PRUNE1: variants seen among roughly 807,000 people sequenced by gnomAD.
PRUNE1 encodes prune exopolyphosphatase 1, also known as exopolyphosphatase PRUNE1.
A neutral mutation model predicts 42.5 loss-of-function variants in PRUNE1; 25 were observed. The ratio of observed to expected loss-of-function variants is 0.59; its 90% CI spans 0.43 to 0.82. The LOEUF is 0.82. Among genes scored for constraint, PRUNE1 ranks in the 40% least tolerant of loss-of-function variants. PRUNE1 has a pLI of 0.00. For missense variants in PRUNE1, 443 were observed against 539.3 expected (o/e 0.82, Z 1.77); for synonymous variants, 203 against 217.1 (o/e 0.93, Z 0.57).
intron 1 of PRUNE1, among the ~76,000 whole-genome samples, chr1:151,012,057 G>A (rs1331742151): frequency 5.9e-5 from 9 of 152,002 alleles, no homozygotes; most frequent in South Asian, 2.1e-4. Flanking sequence ...GATTACAGGC[G>A]TGAGCCACCG....
At position 151,034,330 on chromosome 1, in the gene PRUNE1, G is replaced by A. The variant is rs376097233; in HGVS notation, c.*96G>A. ...GAGATTCAGCAATTCTGTCTTCATT[G>A]CTCCAGGATCTGGTATACTGTTCTC... On this transcript the variant is annotated 3_prime_UTR_variant, in exon 8 of 8. Transcript: ENST00000271620. The A allele has an allele frequency of 1.2e-4, 162 of 1,307,314 alleles. 1 individual carries two copies. The African/African-American group carries it at 1.9e-3, about 15-fold the overall frequency. The allele number at this position is 1,307,314 out of a possible 1,614,324, so 81.0% of individuals were successfully genotyped here.
chr1:151,029,056 A>G, intron 7 of PRUNE1, 112 bp downstream of exon 7: 1 of 1,137,636 alleles, frequency 8.8e-7, no homozygotes, highest in Non-Finnish European at 1.2e-6. Flanking sequence ...ATATTAATGT[A>G]CTTACATGAG....
At chr1:151,025,247 G>A (rs3820539) in intron 4 of PRUNE1, among the ~76,000 whole-genome samples, 26,546 of 152,058 alleles carry the variant, frequency 0.17, 2,919 homozygotes, top group East Asian at 0.44. Flanking sequence ...CTGAAGAGGT[G>A]TATCTCTGTC....
intron 1 of PRUNE1, among the ~76,000 whole-genome samples, chr1:151,012,306 TAAATA>T (rs1171311137): frequency 7.2e-5 from 11 of 152,158 alleles, no homozygotes; most frequent in African/African-American, 2.7e-4. Flanking sequence ...ATGTTTTTCT[TAAATA>T]AAGAAGAGAA....
chr1:151,020,687 T>C (rs1218409370), intron 3 of PRUNE1, among the ~76,000 whole-genome samples: 2 of 151,794 alleles, frequency 1.3e-5, no homozygotes, highest in African/African-American at 4.8e-5. Flanking sequence ...TGTTAGAATA[T>C]ATAAATATCT....
chr1:151,008,712 G>C (rs1356972884), intron 1 of PRUNE1, 41 bp downstream of exon 1: 3 of 1,610,914 alleles, frequency 1.9e-6, no homozygotes, highest in Admixed American at 3.3e-5. Context: ...ATGGAGCACG[G>C]GGTCCAGGAA....
At chr1:151,014,032 T>C (rs587598890) in intron 1 of PRUNE1, among the ~76,000 whole-genome samples, 33 of 150,996 alleles carry the variant, frequency 2.2e-4, no homozygotes, top group African/African-American at 7.8e-4. Flanking sequence ...CAGGCTGGAG[T>C]GCAGTGGCAC....
chr1:151,025,581 A>C lies in PRUNE1; in HGVS notation c.587A>C (p.Lys196Thr). Reference protein sequence around the residue: ...KIGKATPKDSKYVEKLEALFP... With the variant: ...KIGKATPKDSTYVEKLEALFP... ...GGAAAGGCAACCCCAAAGGACAGCA[A>C]ATATGTGGAGAAACTAGAGGCCCTT... The change falls in exon 5 of 8, where the codon AAA (lysine) becomes ACA (threonine). Residue 196 changes from lysine (K) to threonine (T), a missense_variant. Physicochemically the swap from Lys to Thr is moderately conservative, Grantham distance 78. Transcript: ENST00000271620. 6.2e-7 allele frequency: 1 copy of C among 1,613,850 alleles called. No homozygotes were observed. The highest frequency in any genetic ancestry group is 8.5e-7 in the Non-Finnish European group (1 of 1,179,784).
At chr1:151,009,686 T>C (rs1673627553) in intron 1 of PRUNE1, among the ~76,000 whole-genome samples, 1 of 152,252 alleles carries the variant, frequency 6.6e-6, no homozygotes, top group African/African-American at 2.4e-5. Context: ...AAGTCACTAA[T>C]TCCTGCTGCA....
rs138237096 is a variant in PRUNE1, at chr1:151,025,886, G to A, written c.679+213G>A. Among the ~76,000 whole-genome samples the A allele has an allele frequency of 8.1e-3, 1,231 of 151,542 alleles. 11 individuals are homozygous for A. The highest frequency in any genetic ancestry group is 0.028 in the African/African-American group (1,153 of 41,356). On this transcript the variant is annotated intron_variant, in intron 5 of 7. Transcript: ENST00000271620. ...CTCCCGAGTAGCTGGGATTACAGGC[G>A]CCCACCACCACGCCCAGCTAATTTT...
chr1:151,019,497 A>G lies in PRUNE1; in HGVS notation c.335+828A>G, dbSNP rs587758707. 4.8e-4 allele frequency among the ~76,000 whole-genome samples: 72 copies of G among 149,422 alleles called. 1 individual carries two copies. Among genetic ancestry groups the G allele is most frequent in the African/African-American group, 1.7e-3 (68 of 40,664 alleles). ...CTTGAGCCCAGGAGGTCGAATCTGC[A>G]GTGAGCCAAGATCACACCACTCCAC... On this transcript the variant is annotated intron_variant, in intron 3 of 7. Coordinates refer to ENST00000271620, the MANE Select transcript of PRUNE1 (RefSeq NM_021222.3).
intron 7 of PRUNE1, among the ~76,000 whole-genome samples, chr1:151,031,780 C>G (rs983845419): frequency 6.6e-6 from 1 of 152,058 alleles, no homozygotes; most frequent in African/African-American, 2.4e-5. Context: ...AGTTCAAGTT[C>G]TTGAGCACAT....
chr1:151,027,451 A>G (rs761587592), intron 6 of PRUNE1, 124 bp downstream of exon 6: 40 of 674,586 alleles, frequency 5.9e-5, no homozygotes, highest in Non-Finnish European at 8.9e-5. Flanking sequence ...CTTTGTCTCT[A>G]CCTCCACTGT....
intron 7 of PRUNE1, 87 bp downstream of exon 7, chr1:151,029,031 C>A: frequency 7.3e-7 from 1 of 1,362,926 alleles, no homozygotes; most frequent in Non-Finnish European, 1.0e-6. Flanking sequence ...CTATAAGGAC[C>A]TCTCTTAGGT....
chr1:151,015,798 G>C (rs1012655113), intron 1 of PRUNE1, among the ~76,000 whole-genome samples: 4 of 151,988 alleles, frequency 2.6e-5, no homozygotes, highest in African/African-American at 9.7e-5. Flanking sequence ...GTGAGACCCT[G>C]TCTCAAAAAG....
intron 3 of PRUNE1, 101 bp from the exon 4 acceptor site, chr1:151,024,510 A>G: frequency 1.7e-6 from 2 of 1,143,034 alleles, no homozygotes; most frequent in Non-Finnish European, 2.5e-6. Context: ...AAAAAAAGAC[A>G]TCTGCATTTT....
chr1:151,026,351 A>G (rs1266465912), intron 5 of PRUNE1, among the ~76,000 whole-genome samples: 3 of 151,828 alleles, frequency 2.0e-5, no homozygotes, highest in Non-Finnish European at 4.4e-5. Context: ...CCATCTACTC[A>G]GGAGGCTGAG....
In PRUNE1 at chr1:151,024,655, A is replaced by G. The variant is rs1245016196; in HGVS notation, c.380A>G (p.His127Arg). ...GAGGCAGTAGCAGAGGTGCTAGACC[A>G]TCGACCCATCGAGCCGAAACACTGC... ...LEEAVAEVLD[H>R]RPIEPKHCPP... is the part of the protein sequence containing the mutation. The change falls in exon 4 of 8, where the codon CAT becomes CGT. Residue 127 changes from histidine to arginine, a missense_variant. His to Arg is a conservative substitution (Grantham distance 29). Transcript: ENST00000271620. 4 of 1,613,448 alleles carry G rather than the reference A, an allele frequency of 2.5e-6. No homozygotes were observed. The Admixed American group carries it at 6.7e-5, about 27-fold the overall frequency.
At chr1:151,020,460 A>T (rs1042154301) in intron 3 of PRUNE1, among the ~76,000 whole-genome samples, 11 of 146,488 alleles carry the variant, frequency 7.5e-5, no homozygotes, top group Admixed American at 4.2e-4. Flanking sequence ...CTCCAAAAAA[A>T]TTTTTTTAAG....
Sources: allele counts gnomAD v4.1 joint callset (sites outside exome capture counted in the v4.1 genomes callset), GRCh38; gene constraint gnomAD v4.1.1; transcripts MANE v1.5; gene names NCBI Gene and HGNC (gene_info 2026-07-23, HGNC 2026-07-21).